CHCHD3: variants seen among roughly 807,000 people sequenced by gnomAD.
CHCHD3 encodes the protein coiled-coil-helix-coiled-coil-helix domain containing 3.
Under a neutral mutation model 38.2 loss-of-function variants are expected in CHCHD3, and 20 were observed. The ratio of observed to expected loss-of-function variants is 0.52; its 90% CI spans 0.37 to 0.76. The LOEUF (loss-of-function observed/expected upper bound fraction) is 0.76. CHCHD3 is among the 30% of genes least tolerant of loss of function. CHCHD3 has a pLI of 0.00. For missense variants in CHCHD3, 245 were observed against 279.2 expected (o/e 0.88, Z 0.87); for synonymous variants, 82 against 100.0 (o/e 0.82, Z 1.07).
intron 5 of CHCHD3, among the ~76,000 whole-genome samples, chr7:132,862,107 T>TG (rs1808509597): frequency 2.1e-5 from 3 of 145,100 alleles, no homozygotes; most frequent in African/African-American, 7.8e-5. Flanking sequence ...GATGGATGGA[T>TG]GAAATGAAGG....
At chr7:132,910,600 CAAGAGATAGCTCT>C (rs1442303070) in intron 4 of CHCHD3, among the ~76,000 whole-genome samples, 1 of 152,150 alleles carries the variant, frequency 6.6e-6, no homozygotes, top group Admixed American at 6.5e-5. Flanking sequence ...TCTCTTGTGC[CAAGAGATAGCTCT>C]AAGCAGGCAG....
chr7:132,950,986 T>C (rs998866425), intron 4 of CHCHD3, among the ~76,000 whole-genome samples: 1 of 152,174 alleles, frequency 6.6e-6, no homozygotes, highest in Non-Finnish European at 1.5e-5. Flanking sequence ...ACAGCACCCT[T>C]AACCATCTAT....
At chr7:132,921,711 G>A (rs1309026880) in intron 4 of CHCHD3, among the ~76,000 whole-genome samples, 5 of 152,152 alleles carry the variant, frequency 3.3e-5, no homozygotes, top group Non-Finnish European at 7.3e-5. Flanking sequence ...TAAGGCAAGT[G>A]TTTGGAATTC....
At chr7:132,804,489 A>T (rs4728265) in intron 6 of CHCHD3, among the ~76,000 whole-genome samples, 1 of 151,930 alleles carries the variant, frequency 6.6e-6, no homozygotes, top group Non-Finnish European at 1.5e-5. Context: ...TCATTTGAGT[A>T]GTCCATGCAT....
In CHCHD3 at chr7:133,034,620, T is replaced by C. The variant is rs753922530; in HGVS notation, c.170-9993A>G. The stretch of plus-strand genomic sequence containing the variant: ...GGCAAGAGATGTTCACTTGAAGATC[T>C]TGCCGTGATTGAAGGCTTTGCCCAC... On this transcript the variant is annotated intron_variant, in intron 2 of 7. Transcript: ENST00000262570. 1.8e-5 allele frequency: 28 copies of C among 1,584,850 alleles called. No individual in the cohort carries two copies. In the Admixed American group the frequency reaches 3.6e-4, roughly 20 times the overall value.
intron 6 of CHCHD3, among the ~76,000 whole-genome samples, chr7:132,817,129 A>G (rs1807220213): frequency 6.6e-6 from 1 of 152,172 alleles, no homozygotes; most frequent in East Asian, 1.9e-4. Context: ...CCAGCTCTAA[A>G]GAAAAGGGCA....
At chr7:132,817,197 A>G (rs1250494649) in intron 6 of CHCHD3, among the ~76,000 whole-genome samples, 2 of 151,418 alleles carry the variant, frequency 1.3e-5, no homozygotes, top group African/African-American at 4.8e-5. Context: ...TGGGGTCCCA[A>G]GCTTTCTTTC....
Position 133,045,521 on chromosome 7 carries a change from T to G in CHCHD3, c.170-20894A>C, listed in dbSNP as rs78673356. Among the ~76,000 whole-genome samples the G allele has an allele frequency of 1.3e-3, 203 of 152,224 alleles. 1 individual carries two copies. Among genetic ancestry groups the G allele is most frequent in the African/African-American group, 4.8e-3 (200 of 41,538 alleles). ...CTTTTTAATGAAGAAAATAACAAAC[T>G]TCAATATGATCATTTTATCTTTAGG... On this transcript the variant is annotated intron_variant, in intron 2 of 7. Transcript: ENST00000262570.
rs774103431 is a variant in CHCHD3 at position 132,796,465 on chromosome 7, G to A, written c.637C>T (p.His213Tyr). 4.1e-5 allele frequency: 66 copies of A among 1,613,820 alleles called. No individual in the cohort carries two copies. Among genetic ancestry groups the A allele is most frequent in the Non-Finnish European group, 5.2e-5 (61 of 1,179,874 alleles). The stretch of plus-strand genomic sequence containing the variant: ...ACCTGTTTGGCATGATTGACACAGT[G>A]CATATACTGGGTGGCCAGAGCGGAG... ...KCSALATQYM[H>Y]CVNHAKQSML... Residue 213 changes from histidine to tyrosine, a missense_variant, in exon 7 of 8, where the codon CAC (histidine) becomes TAC (tyrosine). His to Tyr is a moderately conservative substitution (Grantham distance 83). Coordinates refer to ENST00000262570, the MANE Select transcript of CHCHD3 (RefSeq NM_017812.4).
chr7:133,008,438 G>GA (rs551540851), intron 3 of CHCHD3, among the ~76,000 whole-genome samples: 1 of 136,978 alleles, frequency 7.3e-6, no homozygotes, highest in South Asian at 2.3e-4. Flanking sequence ...AAAAAAAAAA[G>GA]AAAAAAAAAG....
At chr7:133,033,375 G>A (rs990846508) in intron 2 of CHCHD3, among the ~76,000 whole-genome samples, 1 of 152,120 alleles carries the variant, frequency 6.6e-6, no homozygotes, top group African/African-American at 2.4e-5. Flanking sequence ...CCCAGGCACT[G>A]CTAGCCATGA....
intron 2 of CHCHD3, among the ~76,000 whole-genome samples, chr7:133,025,546 C>T (rs929548333): frequency 6.6e-6 from 1 of 152,126 alleles, no homozygotes; most frequent in Non-Finnish European, 1.5e-5. Flanking sequence ...GCTCTGTTGC[C>T]CAGGCTGCAG....
At chr7:132,810,659 G>A (rs1407392189) in intron 6 of CHCHD3, among the ~76,000 whole-genome samples, 1 of 152,164 alleles carries the variant, frequency 6.6e-6, no homozygotes, top group Admixed American at 6.5e-5. Flanking sequence ...TCTACGTAAA[G>A]GGATAATGAT....
intron 3 of CHCHD3, among the ~76,000 whole-genome samples, chr7:132,984,922 C>A (rs1173807639): frequency 1.1e-5 from 1 of 90,778 alleles, no homozygotes; most frequent in Non-Finnish European, 2.4e-5. Context: ...CCCCGCCCGG[C>A]CAGCCGCCCC....
chr7:133,075,883 C>A (rs988511268), intron 1 of CHCHD3, among the ~76,000 whole-genome samples: 1 of 151,888 alleles, frequency 6.6e-6, no homozygotes, highest in African/African-American at 2.4e-5. Context: ...CACGGTGAAA[C>A]CCCATCTCTA....
chr7:133,048,789 T>C (rs527605244), intron 2 of CHCHD3, among the ~76,000 whole-genome samples: 16 of 152,134 alleles, frequency 1.1e-4, no homozygotes, highest in South Asian at 4.2e-4. Context: ...GCAAAAGATA[T>C]ATAAATCCAC....
intron 1 of CHCHD3, among the ~76,000 whole-genome samples, chr7:133,080,521 T>C (rs1318195794): frequency 6.6e-6 from 1 of 152,236 alleles, no homozygotes; most frequent in Non-Finnish European, 1.5e-5. Context: ...TAATTATTTT[T>C]CACTCTGAGT....
intron 1 of CHCHD3, among the ~76,000 whole-genome samples, chr7:133,074,691 T>C (rs1171005622): frequency 1.3e-5 from 2 of 152,010 alleles, no homozygotes; most frequent in African/African-American, 4.8e-5. Context: ...GAGGAAAAAA[T>C]AAGCTTACAT....
intron 4 of CHCHD3, among the ~76,000 whole-genome samples, chr7:132,957,391 G>A (rs189215812): frequency 6.6e-6 from 1 of 152,298 alleles, no homozygotes; most frequent in Admixed American, 6.5e-5. Flanking sequence ...GGCCAAACTG[G>A]GAAATGGCTG....
Sources: gnomAD v4.1 joint callset for allele counts (sites outside exome capture counted in the v4.1 genomes callset) on GRCh38, gnomAD v4.1.1 for gene constraint, MANE v1.5 for transcripts, NCBI Gene and HGNC (gene_info 2026-07-23, HGNC 2026-07-21) for gene names.